Variants in PCGF5 observed in about 807,000 individuals in gnomAD.
The protein encoded by PCGF5 is polycomb group RING finger protein 5.
In PCGF5, 9 loss-of-function variants were observed where a neutral mutation model predicts 44.3. That is an observed-to-expected ratio of 0.20 (90% confidence interval 0.12 to 0.35). The LOEUF is 0.35. PCGF5 is among the 10% of genes least tolerant of loss of function. PCGF5 has a pLI of 1.00. For synonymous variants in PCGF5, 95 were observed against 102.5 expected, an observed-to-expected ratio of 0.93 and a Z score of 0.44; for missense variants, 146 against 305.3, an observed-to-expected ratio of 0.48 and a Z score of 3.89.
chr10:91,188,854 T>G (rs539325145), intron 1 of PCGF5, among the ~76,000 whole-genome samples: 1 of 152,350 alleles, frequency 6.6e-6, no homozygotes, highest in Non-Finnish European at 1.5e-5. Context: ...AGATAGCAGT[T>G]TATTCATTCC....
chr10:91,225,300 C>CAT (rs1238951286), intron 2 of PCGF5, among the ~76,000 whole-genome samples: 14 of 145,816 alleles, frequency 9.6e-5, no homozygotes, highest in East Asian at 4.0e-4. Context: ...ATATATATAA[C>CAT]ATATATATAT....
At chr10:91,197,492 A>G (rs1488579407) in intron 1 of PCGF5, among the ~76,000 whole-genome samples, 1 of 152,140 alleles carries the variant, frequency 6.6e-6, no homozygotes, top group African/African-American at 2.4e-5. Context: ...TTCTCCGTGT[A>G]TTATATTATC....
At chr10:91,235,189 C>G (rs565938399) in intron 2 of PCGF5, among the ~76,000 whole-genome samples, 2 of 152,180 alleles carry the variant, frequency 1.3e-5, no homozygotes, top group South Asian at 4.1e-4. Context: ...TGCGAATCTC[C>G]TAGATATTCT....
intron 5 of PCGF5, among the ~76,000 whole-genome samples, chr10:91,250,383 A>G (rs1034107602): frequency 1.3e-5 from 2 of 151,676 alleles, no homozygotes; most frequent in African/African-American, 2.4e-5. Context: ...GCTTAGAGGT[A>G]TCTCATCTGG....
Position 91,278,546 on chromosome 10 carries a change from CA to C in PCGF5, c.*233del. 1 of 486,062 alleles carries C rather than the reference CA, an allele frequency of 2.1e-6. No homozygotes were observed. Among genetic ancestry groups the C allele is most frequent in the Non-Finnish European group, 3.7e-6 (1 of 271,434 alleles). 30.1% of individuals were successfully genotyped at this position (486,062 alleles called of 1,614,324 possible). On this transcript the variant is annotated 3_prime_UTR_variant, in exon 10 of 10. Transcript: ENST00000336126. ...TCTGCATAAGGTATTTGTGTTGTCT[CA>C]AAGTGTGCAAGTCATGGTAAAAATC...
chr10:91,160,617 G>A (rs1843365196), upstream of PCGF5, among the ~76,000 whole-genome samples: 1 of 152,074 alleles, frequency 6.6e-6, no homozygotes, highest in Non-Finnish European at 1.5e-5. Flanking sequence ...AGTAGGACAA[G>A]AAGAGGGGAG....
chr10:91,218,696 G>A (rs1380931939), upstream of PCGF5, among the ~76,000 whole-genome samples: 7 of 151,900 alleles, frequency 4.6e-5, no homozygotes, highest in East Asian at 3.9e-4. Flanking sequence ...GCAGTGGTGC[G>A]ATCTCGGCTC....
chr10:91,184,767 T>A (rs1843887984), intron 1 of PCGF5, among the ~76,000 whole-genome samples: 1 of 152,190 alleles, frequency 6.6e-6, no homozygotes, highest in Non-Finnish European at 1.5e-5. Context: ...TTTTCTGTAG[T>A]GCTGCTATGG....
chr10:91,258,400 GT>G (rs1348619626), intron 6 of PCGF5, among the ~76,000 whole-genome samples: 1 of 152,050 alleles, frequency 6.6e-6, no homozygotes, highest in Non-Finnish European at 1.5e-5. Flanking sequence ...GGGACCAGAA[GT>G]TTTTTGGGTT....
intron 2 of PCGF5, among the ~76,000 whole-genome samples, chr10:91,234,262 G>A (rs1156658630): frequency 6.6e-6 from 1 of 152,178 alleles, no homozygotes; most frequent in Non-Finnish European, 1.5e-5. Flanking sequence ...AAACAAAATA[G>A]CTTCTAGACC....
intron 1 of PCGF5, among the ~76,000 whole-genome samples, chr10:91,208,834 G>T (rs1844396216): frequency 6.6e-6 from 1 of 152,182 alleles, no homozygotes; most frequent in African/African-American, 2.4e-5. Context: ...TTCAGTGTTG[G>T]ATGTGTCTCT....
intron 9 of PCGF5, among the ~76,000 whole-genome samples, chr10:91,275,085 A>G (rs759580395): frequency 4.6e-5 from 7 of 152,194 alleles, no homozygotes; most frequent in Non-Finnish European, 1.0e-4. Context: ...GACTATTAAT[A>G]TTAAAAGCAC....
chr10:91,219,475 A>G (rs900096042), upstream of PCGF5, among the ~76,000 whole-genome samples: 4 of 152,188 alleles, frequency 2.6e-5, no homozygotes, highest in African/African-American at 7.2e-5. Flanking sequence ...TTTTTCACAT[A>G]CTGTTCTGTT....
At chr10:91,211,918 G>A (rs1844460044) in intron 1 of PCGF5, among the ~76,000 whole-genome samples, 1 of 152,158 alleles carries the variant, frequency 6.6e-6, no homozygotes, top group Admixed American at 6.5e-5. Context: ...GAAGGTGGTT[G>A]AGCAGCACTA....
intron 2 of PCGF5, among the ~76,000 whole-genome samples, chr10:91,239,091 C>T (rs571396361): frequency 3.9e-5 from 6 of 152,076 alleles, no homozygotes; most frequent in African/African-American, 9.6e-5. Flanking sequence ...AAATAGCTGC[C>T]GGCTCCCAGC....
At position 91,280,020 on chromosome 10, in the gene PCGF5, GT is replaced by G. The variant is rs1846414741; in HGVS notation, c.*1705del. The G allele has an allele frequency of 2.0e-5, 3 of 151,836 alleles. No individual in the cohort carries two copies. The South Asian group carries it at 6.2e-4, about 32-fold the overall frequency. The allele number at this position is 151,836 out of a possible 1,614,324, so 9.4% of individuals were successfully genotyped here. On this transcript the variant is annotated 3_prime_UTR_variant, in exon 10 of 10. Coordinates refer to ENST00000336126, the MANE Select transcript of PCGF5 (RefSeq NM_032373.5). ...TTTTTCTGTTGTTGTTCCAACTTTG[GT>G]GAAAAAGGTTATGGCAATACTTTAA...
chr10:91,170,234 ACAT>A (rs1002844346), intron 1 of PCGF5, among the ~76,000 whole-genome samples: 3 of 152,248 alleles, frequency 2.0e-5, no homozygotes, highest in African/African-American at 4.8e-5. Context: ...TTTAGATATG[ACAT>A]CATAGGCACA....
At chr10:91,163,777 G>C (rs1843440810) in intron 1 of PCGF5, among the ~76,000 whole-genome samples, 1 of 151,974 alleles carries the variant, frequency 6.6e-6, no homozygotes, top group Non-Finnish European at 1.5e-5. Flanking sequence ...AGGACCCGGC[G>C]GGACCCACCT....
chr10:91,254,602 A>T (rs910273171), intron 6 of PCGF5, among the ~76,000 whole-genome samples: 7 of 152,008 alleles, frequency 4.6e-5, no homozygotes, highest in African/African-American at 1.7e-4. Flanking sequence ...GTATTGCTTT[A>T]TAGCCTTCTC....
Sources: allele counts gnomAD v4.1 joint callset (sites outside exome capture counted in the v4.1 genomes callset), GRCh38; gene constraint gnomAD v4.1.1; transcripts MANE v1.5; gene names NCBI Gene and HGNC (gene_info 2026-07-23, HGNC 2026-07-21).